The following RABGAP1L variants were observed in gnomAD, a reference collection of about 807,000 sequenced individuals.
The protein encoded by RABGAP1L is rab GTPase-activating protein 1-like.
A neutral mutation model predicts 137.7 loss-of-function variants in RABGAP1L; 63 were observed. That is an observed-to-expected ratio of 0.46 (90% confidence interval 0.37 to 0.56). The LOEUF is 0.56. Ranked by LOEUF, RABGAP1L falls within the 20% of genes least tolerant of loss-of-function variation. The pLI is 0.00. For missense variants in RABGAP1L, 1,095 were observed against 1,244.0 expected, an observed-to-expected ratio of 0.88 and a Z score of 1.80; for synonymous variants, 431 against 433.7, an observed-to-expected ratio of 0.99 and a Z score of 0.08.
chr1:174,799,868 G>C (rs1440768350), intron 18 of RABGAP1L: 1 of 987,438 alleles, frequency 1.0e-6, no homozygotes, highest in African/African-American at 1.8e-5. Context: ...CAACTGCCCT[G>C]GCTTCCTGGC....
chr1:174,183,703 G>A (rs979670857), intron 1 of RABGAP1L, among the ~76,000 whole-genome samples: 2 of 152,046 alleles, frequency 1.3e-5, no homozygotes, highest in African/African-American at 4.8e-5. Context: ...AGTGACGTGT[G>A]TCCACCATTA....
At chr1:174,187,745 T>C (rs1222375574) in intron 1 of RABGAP1L, among the ~76,000 whole-genome samples, 1 of 152,088 alleles carries the variant, frequency 6.6e-6, no homozygotes, top group Non-Finnish European at 1.5e-5. Flanking sequence ...CTGATCATCT[T>C]GTAGGAAACT....
chr1:174,438,824 A>C (rs1200829326), intron 13 of RABGAP1L, among the ~76,000 whole-genome samples: 1 of 145,842 alleles, frequency 6.9e-6, no homozygotes, highest in Non-Finnish European at 1.5e-5. Context: ...TTCAGAGTAG[A>C]GGTTTTATAC....
chr1:174,988,980 C>T, intron 25 of RABGAP1L, 142 bp downstream of exon 25: 1 of 532,446 alleles, frequency 1.9e-6, no homozygotes, highest in East Asian at 3.5e-5. Context: ...TGCATAATCA[C>T]ATTTTATATC....
chr1:174,641,451 GA>G (rs1380822129), intron 14 of RABGAP1L, among the ~76,000 whole-genome samples: 1 of 152,124 alleles, frequency 6.6e-6, no homozygotes, highest in Non-Finnish European at 1.5e-5. Flanking sequence ...GGTTTCTGCA[GA>G]TGAAGAGGTT....
At chr1:174,569,721 C>T (rs1029647225) in intron 13 of RABGAP1L, among the ~76,000 whole-genome samples, 1 of 152,134 alleles carries the variant, frequency 6.6e-6, no homozygotes, top group African/African-American at 2.4e-5. Flanking sequence ...AGGCCCATGT[C>T]CAGAGATGGA....
At chr1:174,711,036 C>A (rs537505796) in intron 17 of RABGAP1L, among the ~76,000 whole-genome samples, 1 of 152,114 alleles carries the variant, frequency 6.6e-6, no homozygotes, top group Non-Finnish European at 1.5e-5. Flanking sequence ...TAAAGCCCGG[C>A]GAGAAGTCGA....
intron 18 of RABGAP1L, among the ~76,000 whole-genome samples, chr1:174,753,094 A>C (rs1340289432): frequency 6.6e-6 from 1 of 152,186 alleles, no homozygotes; most frequent in Non-Finnish European, 1.5e-5. Context: ...TTTCAGCCCT[A>C]CCATATGACC....
intron 13 of RABGAP1L, among the ~76,000 whole-genome samples, chr1:174,590,123 C>CTTTTTTTTTTTT (rs1166364912): frequency 4.7e-4 from 28 of 59,804 alleles, no homozygotes; most frequent in Middle Eastern, 0.018. Context: ...TCTTCAGTTT[C>CTTTTTTTTTTTT]TTTTTTTTTT....
At chr1:174,669,680 T>G (rs1677040087) in intron 14 of RABGAP1L, among the ~76,000 whole-genome samples, 1 of 152,212 alleles carries the variant, frequency 6.6e-6, no homozygotes, top group African/African-American at 2.4e-5. Flanking sequence ...AGGGTCTAGC[T>G]TTATTATTCT....
intron 13 of RABGAP1L, among the ~76,000 whole-genome samples, chr1:174,457,106 A>G (rs1175344973): frequency 6.6e-6 from 1 of 152,232 alleles, no homozygotes; most frequent in South Asian, 2.1e-4. Flanking sequence ...CATAGGAACT[A>G]TGCAATACAT....
At position 174,448,182 on chromosome 1, in the gene RABGAP1L, G is replaced by A. The variant is rs1453719313; in HGVS notation, c.1710+54037G>A. ...AGTGGCATTGTGAATGTGTCCGAGC[G>A]TCACTCCTGCCCACTTGGATTTGGC... On this transcript the variant is annotated intron_variant, in intron 13 of 25. Transcript: ENST00000681986. The surrounding 1 kb of genome is among the most constrained non-coding windows in gnomAD (Gnocchi z 4.2). 40 of 1,613,562 alleles carry A rather than the reference G, an allele frequency of 2.5e-5. No individual in the cohort carries two copies. The highest frequency in any genetic ancestry group is 3.3e-4 in the Middle Eastern group (2 of 6,082).
intron 13 of RABGAP1L, chr1:174,547,750 T>C: frequency 8.8e-7 from 1 of 1,135,316 alleles, no homozygotes; most frequent in Non-Finnish European, 1.2e-6. Flanking sequence ...GGAGTCATTG[T>C]ATTTGTATTT....
In RABGAP1L at chr1:174,362,790, T is replaced by C. The variant is rs112346351; in HGVS notation, c.1466-8189T>C. 9.9e-3 allele frequency among the ~76,000 whole-genome samples: 1,502 copies of C among 152,334 alleles called. 13 individuals carry two copies. The highest frequency in any genetic ancestry group is 0.014 in the Non-Finnish European group (976 of 68,026). On this transcript the variant is annotated intron_variant, in intron 11 of 25. Transcript: ENST00000681986. ...TTTTGCTGTGCCAGAAGCTCTTTAG[T>C]TTAATTAGATACCATTTATCAATTT... is the stretch of plus-strand genomic sequence containing the variant.
intron 14 of RABGAP1L, among the ~76,000 whole-genome samples, chr1:174,673,975 T>C (rs1242940537): frequency 6.6e-6 from 1 of 152,128 alleles, no homozygotes; most frequent in East Asian, 1.9e-4. Flanking sequence ...TCAAGGAAAA[T>C]GAGCAAAGGA....
chr1:174,171,525 A>G (rs887345674), intron 1 of RABGAP1L, among the ~76,000 whole-genome samples: 1 of 152,068 alleles, frequency 6.6e-6, no homozygotes, highest in Non-Finnish European at 1.5e-5. Flanking sequence ...CAAATTTTAT[A>G]TATACTATAC....
intron 13 of RABGAP1L, among the ~76,000 whole-genome samples, chr1:174,558,604 G>A (rs1294626528): frequency 6.6e-6 from 1 of 152,164 alleles, no homozygotes. Flanking sequence ...AAGCTTTCAA[G>A]TTACATTTGG....
At chr1:174,624,012 T>A (rs925118657) in intron 13 of RABGAP1L, among the ~76,000 whole-genome samples, 1 of 152,240 alleles carries the variant, frequency 6.6e-6, no homozygotes, top group Non-Finnish European at 1.5e-5. Flanking sequence ...ACAGATGAAA[T>A]GGCTCCATAT....
rs13376562 is a variant in RABGAP1L at position 174,400,386 on chromosome 1, G to A, written c.1710+6241G>A. Among the ~76,000 whole-genome samples, 1,445 of 152,122 alleles carry A rather than the reference G, an allele frequency of 9.5e-3. 24 individuals carry two copies. The highest frequency in any genetic ancestry group is 0.033 in the African/African-American group (1,386 of 41,506). On this transcript the variant is annotated intron_variant, in intron 13 of 25. Coordinates refer to ENST00000681986, the MANE Select transcript of RABGAP1L (RefSeq NM_001366446.1). Reference sequence around the variant, plus strand: ...TCCCCAGCAGACTTTAAAATCCACAGGAGCAAAGACCACAACTGTATTGCT... The same window carrying A: ...TCCCCAGCAGACTTTAAAATCCACAAGAGCAAAGACCACAACTGTATTGCT...
Sources: gnomAD v4.1 joint callset for allele counts (sites outside exome capture counted in the v4.1 genomes callset) on GRCh38, gnomAD v4.1.1 for gene constraint, Gnocchi (gnomAD v3.1) non-coding constraint, MANE v1.5 for transcripts, NCBI Gene and HGNC (gene_info 2026-07-23, HGNC 2026-07-21) for gene names.